CAMTA1: variants seen among roughly 807,000 people sequenced by gnomAD.
The protein encoded by CAMTA1 is calmodulin binding transcription activator 1.
Under a neutral mutation model 170.9 loss-of-function variants are expected in CAMTA1, and 27 were observed. The observed-to-expected ratio is 0.16, with a 90% CI of 0.12 to 0.22. The LOEUF is 0.22. CAMTA1 is among the 10% of genes least tolerant of loss of function. The pLI is 1.00. For synonymous variants in CAMTA1, 833 were observed against 891.5 expected, an observed-to-expected ratio of 0.93 and a Z score of 1.17; for missense variants, 1,619 against 2,217.2, an observed-to-expected ratio of 0.73 and a Z score of 5.42.
Position 7,471,553 on chromosome 1 carries a change from C to G in CAMTA1, c.510+3652C>G, listed in dbSNP as rs573721714. Among the ~76,000 whole-genome samples the G allele has an allele frequency of 5.3e-5, 8 of 152,372 alleles. No individual in the cohort carries two copies. In the South Asian group the frequency reaches 1.7e-3, roughly 32 times the overall value. On this transcript the variant is annotated intron_variant, in intron 6 of 22. Coordinates refer to ENST00000303635, the MANE Select transcript of CAMTA1 (RefSeq NM_015215.4). ...GACAGGGCCTTCAGGCTCCCCTGAG[C>G]CTACCCAGTGCATTTTCTAGAAGGA...
chr1:7,182,004 A>G (rs1271601467), intron 4 of CAMTA1, among the ~76,000 whole-genome samples: 2 of 145,454 alleles, frequency 1.4e-5, no homozygotes, highest in Admixed American at 6.7e-5. Flanking sequence ...TGATGCATGA[A>G]TATTCAAAAT....
chr1:7,058,461 T>A (rs1040649702), intron 3 of CAMTA1, among the ~76,000 whole-genome samples: 2 of 152,192 alleles, frequency 1.3e-5, no homozygotes, highest in Admixed American at 1.3e-4. Context: ...AACTCATTGC[T>A]CTGAGTTGGT....
At chr1:7,194,773 C>G (rs1348716114) in intron 4 of CAMTA1, among the ~76,000 whole-genome samples, 4 of 152,196 alleles carry the variant, frequency 2.6e-5, no homozygotes, top group African/African-American at 9.7e-5. Flanking sequence ...ACCCTCCTTC[C>G]CTGTGCTCGG....
At chr1:7,500,884 A>G (rs114063168) in intron 6 of CAMTA1, among the ~76,000 whole-genome samples, 1,602 of 152,194 alleles carry the variant, frequency 0.011, 32 homozygotes, top group African/African-American at 0.036. Context: ...CCCAGGAGAC[A>G]TCAGGGCTTC....
intron 3 of CAMTA1, among the ~76,000 whole-genome samples, chr1:6,857,274 T>C (rs1457191877): frequency 6.6e-6 from 1 of 152,132 alleles, no homozygotes; most frequent in African/African-American, 2.4e-5. Context: ...GAACTGGTGA[T>C]GGATTGAGTG....
intron 3 of CAMTA1, among the ~76,000 whole-genome samples, chr1:6,855,541 T>C (rs1662001729): frequency 6.6e-6 from 1 of 151,682 alleles, no homozygotes; most frequent in East Asian, 2.0e-4. Context: ...ATGAGAACAG[T>C]ACCAAAGGGA....
chr1:7,703,995 C>CCT (rs1558166574), intron 11 of CAMTA1, among the ~76,000 whole-genome samples: 3 of 152,010 alleles, frequency 2.0e-5, no homozygotes, highest in African/African-American at 7.2e-5. Flanking sequence ...GCGCCGCACC[C>CCT]CCTCCCCAAA....
intron 6 of CAMTA1, among the ~76,000 whole-genome samples, chr1:7,568,685 AT>A (rs2095080029): frequency 6.6e-6 from 1 of 151,140 alleles, no homozygotes; most frequent in Non-Finnish European, 1.5e-5. Context: ...CCAAATCACC[AT>A]CAAAATCATC....
At chr1:7,209,183 C>T (rs1246550387) in intron 4 of CAMTA1, among the ~76,000 whole-genome samples, 2 of 152,160 alleles carry the variant, frequency 1.3e-5, no homozygotes, top group Admixed American at 6.5e-5. Context: ...CTAGAGTCTA[C>T]GCTGTTAAAA....
chr1:7,295,429 G>A (rs1439965378), intron 5 of CAMTA1, among the ~76,000 whole-genome samples: 2 of 152,196 alleles, frequency 1.3e-5, no homozygotes, highest in Non-Finnish European at 2.9e-5. Flanking sequence ...AGGGCTTGTT[G>A]TGTGTTTCCT....
Position 7,050,058 on chromosome 1 carries a change from A to G in CAMTA1, c.235-41246A>G, listed in dbSNP as rs1706072183. Reference sequence around the variant, plus strand: ...AAGACGTTCCCAGGAGGGGACTGCAAGCGCGGTGTCCTTGGGGCGGGATTG... The same window carrying G: ...AAGACGTTCCCAGGAGGGGACTGCAGGCGCGGTGTCCTTGGGGCGGGATTG... On this transcript the variant is annotated intron_variant, in intron 3 of 22. Coordinates refer to ENST00000303635, the MANE Select transcript of CAMTA1 (RefSeq NM_015215.4). The surrounding 1 kb of genome is among the most constrained non-coding windows in gnomAD (Gnocchi z 4.8). Among the ~76,000 whole-genome samples the G allele has an allele frequency of 6.6e-6, 1 of 152,202 alleles. No individual in the cohort carries two copies. Among genetic ancestry groups the G allele is most frequent in the African/African-American group, 2.4e-5 (1 of 41,462 alleles).
intron 3 of CAMTA1, among the ~76,000 whole-genome samples, chr1:6,840,824 C>T (rs1655369270): frequency 6.6e-6 from 1 of 152,168 alleles, no homozygotes; most frequent in Non-Finnish European, 1.5e-5. Context: ...CTGAGGCAGG[C>T]AGGTGTGAAG....
chr1:7,060,930 C>T (rs1225370461), intron 3 of CAMTA1, among the ~76,000 whole-genome samples: 2 of 152,180 alleles, frequency 1.3e-5, no homozygotes, highest in Non-Finnish European at 2.9e-5. Flanking sequence ...CCGACTGGAG[C>T]GTGCTTGCCA....
At chr1:7,079,072 C>T (rs1245607138) in intron 3 of CAMTA1, among the ~76,000 whole-genome samples, 1 of 152,190 alleles carries the variant, frequency 6.6e-6, no homozygotes, top group Non-Finnish European at 1.5e-5. Flanking sequence ...TCACAGAGCT[C>T]ATACAGGACT....
At chr1:7,205,642 A>G (rs755872838) in intron 4 of CAMTA1, among the ~76,000 whole-genome samples, 1 of 152,084 alleles carries the variant, frequency 6.6e-6, no homozygotes, top group Non-Finnish European at 1.5e-5. Flanking sequence ...ATTTATTTTC[A>G]TGCTTTTACT....
intron 4 of CAMTA1, among the ~76,000 whole-genome samples, chr1:7,108,212 G>A (rs556137667): frequency 1.8e-4 from 28 of 152,238 alleles, no homozygotes; most frequent in Non-Finnish European, 2.6e-4. Context: ...GTCAAGAGCC[G>A]GGCTCTGTAT....
chr1:7,760,650 A>G (rs887586741), intron 22 of CAMTA1, among the ~76,000 whole-genome samples: 1 of 152,250 alleles, frequency 6.6e-6, no homozygotes, highest in Non-Finnish European at 1.5e-5. Flanking sequence ...ATTGCAGACA[A>G]CATGCTCTGT....
intron 5 of CAMTA1, among the ~76,000 whole-genome samples, chr1:7,356,352 C>T (rs1254706840): frequency 1.3e-5 from 2 of 152,256 alleles, no homozygotes; most frequent in Non-Finnish European, 2.9e-5. Flanking sequence ...ACACCTGTCA[C>T]ACGCTGCAGG....
chr1:7,492,542 G>A (rs142870134), intron 6 of CAMTA1, among the ~76,000 whole-genome samples: 7 of 152,112 alleles, frequency 4.6e-5, no homozygotes, highest in Non-Finnish European at 1.0e-4. Flanking sequence ...GCACTGTGAG[G>A]GCTTGAACAC....
Sources: allele counts gnomAD v4.1 joint callset (sites outside exome capture counted in the v4.1 genomes callset), GRCh38; gene constraint gnomAD v4.1.1; non-coding constraint Gnocchi (gnomAD v3.1); transcripts MANE v1.5; gene names NCBI Gene and HGNC (gene_info 2026-07-23, HGNC 2026-07-21).